ZNF341: variants seen among roughly 807,000 people sequenced by gnomAD.
ZNF341 encodes the protein zinc finger protein 341.
ZNF341 carries 52 observed loss-of-function variants against 87.7 expected under a neutral mutation model. The ratio of observed to expected loss-of-function variants is 0.59; its 90% CI spans 0.47 to 0.75. The LOEUF (loss-of-function observed/expected upper bound fraction) is 0.75. Among genes scored for constraint, ZNF341 ranks in the 30% least tolerant of loss-of-function variants. ZNF341 has a pLI of 0.00. For missense variants in ZNF341, 977 were observed against 1,145.9 expected (o/e 0.85, Z 2.13); for synonymous variants, 459 against 472.7 (o/e 0.97, Z 0.38).
At chr20:33,788,623 G>T in intron 12 of ZNF341, 1 of 523,392 alleles carries the variant, frequency 1.9e-6, no homozygotes, top group Non-Finnish European at 3.5e-6. Context: ...CCATCTCCCT[G>T]ATGACCTGAG....
chr20:33,732,129 C>T lies in ZNF341; in HGVS notation c.31+77C>T, dbSNP rs1176928441. 9.6e-6 allele frequency: 10 copies of T among 1,037,060 alleles called. No individual in the cohort carries two copies. The highest frequency in any genetic ancestry group is 5.6e-5 in the Admixed American group (1 of 17,750). The allele number at this position is 1,037,060 out of a possible 1,614,324, so 64.2% of individuals were successfully genotyped here. ...CCGCCGCGCCCTCGCAGCGCCCGGC[C>T]TAGGGCGCGCAGCGGCCGCGGGGCG... is the stretch of plus-strand genomic sequence containing the variant. On this transcript the variant is annotated intron_variant, in intron 1 of 14. Coordinates refer to ENST00000375200, the MANE Select transcript of ZNF341 (RefSeq NM_001282933.2). This position sits in a 1 kb window ranked among gnomAD's most constrained non-coding sequence, Gnocchi z 4.5.
intron 10 of ZNF341, among the ~76,000 whole-genome samples, chr20:33,771,575 A>G (rs1030250554): frequency 2.0e-5 from 3 of 151,892 alleles, no homozygotes; most frequent in Non-Finnish European, 4.4e-5. Flanking sequence ...TGAACAAGGG[A>G]TGGATCAGGT....
In ZNF341 at chr20:33,791,327, C is replaced by T. The variant is rs755802319; in HGVS notation, c.2375C>T (p.Pro792Leu). 21 of 1,611,728 alleles carry T rather than the reference C, an allele frequency of 1.3e-5. No homozygotes were observed. The East Asian group carries it at 2.7e-4, about 21-fold the overall frequency. ...GLVPEAVPGKPPFAEPDAVLS... is the reference protein window; with the variant it reads ...GLVPEAVPGKLPFAEPDAVLS... ...GTGCCCGAGGCTGTCCCCGGCAAGCCGCCCTTCGCAGAGCCGGACGCGGTG... is the reference window on the plus strand; with the variant it reads ...GTGCCCGAGGCTGTCCCCGGCAAGCTGCCCTTCGCAGAGCCGGACGCGGTG... The change falls in exon 15 of 15, where the codon CCG becomes CTG. Residue 792 changes from proline to leucine, a missense_variant. Pro to Leu is a moderately conservative substitution (Grantham distance 98). Transcript: ENST00000375200.
At position 33,757,505 on chromosome 20, in the gene ZNF341, G is replaced by A. The variant is rs956691829; in HGVS notation, c.937+162G>A. Among the ~76,000 whole-genome samples, 3 of 152,172 alleles carry A rather than the reference G, an allele frequency of 2.0e-5. No homozygotes were observed. The East Asian group carries it at 5.8e-4, about 29-fold the overall frequency. ...AATGATAGAATTTTGTTTCTCTCCT[G>A]TGTAAGTCAAGGCCAGAAGCCAGAC... On this transcript the variant is annotated intron_variant, in intron 6 of 14. Coordinates refer to ENST00000375200, the MANE Select transcript of ZNF341 (RefSeq NM_001282933.2).
intron 12 of ZNF341, 36 bp from the exon 13 acceptor site, chr20:33,788,827 G>GTGAGTGCTGGCTCTCCCTGTCTGT: frequency 6.3e-7 from 1 of 1,590,018 alleles, no homozygotes; most frequent in Non-Finnish European, 8.6e-7. Flanking sequence ...CCGACTCCTG[G>GTGAGTGCTGGCTCTCCCTGTCTGT]TGAGTGCTGG....
chr20:33,764,497 ATGTGTG>A (rs1209350704), intron 8 of ZNF341, among the ~76,000 whole-genome samples: 10 of 139,462 alleles, frequency 7.2e-5, no homozygotes, highest in Admixed American at 2.2e-4. Flanking sequence ...GTATATATAT[ATGTGTG>A]TGTATATATA....
chr20:33,733,640 T>C (rs2018624896), intron 1 of ZNF341, among the ~76,000 whole-genome samples: 1 of 152,200 alleles, frequency 6.6e-6, no homozygotes, highest in South Asian at 2.1e-4. Context: ...CCCAAAGTGC[T>C]GGGATTACAG....
At chr20:33,740,315 C>T (rs2018772583) in intron 1 of ZNF341, among the ~76,000 whole-genome samples, 1 of 152,160 alleles carries the variant, frequency 6.6e-6, no homozygotes, top group African/African-American at 2.4e-5. Context: ...AGAAAACTTT[C>T]CAGAAGCTGC....
intron 1 of ZNF341, among the ~76,000 whole-genome samples, chr20:33,737,325 T>A (rs1386892357): frequency 6.6e-6 from 1 of 152,048 alleles, no homozygotes; most frequent in African/African-American, 2.4e-5. Flanking sequence ...ATTTATTTTT[T>A]ATTTTTTATT....
intron 3 of ZNF341, among the ~76,000 whole-genome samples, chr20:33,746,895 A>G (rs2018937686): frequency 6.6e-6 from 1 of 152,024 alleles, no homozygotes; most frequent in African/African-American, 2.4e-5. Flanking sequence ...CTGTGAGGAG[A>G]AGGTTTTGGG....
In ZNF341 at chr20:33,737,866, G is replaced by A. The variant is rs149140730; in HGVS notation, c.32-3036G>A. ...TAATAATGATGTTGGGGCCAGGTGCGGTGGCTCACACCTGTAACCCCAGCA... is the reference window on the plus strand; with the variant it reads ...TAATAATGATGTTGGGGCCAGGTGCAGTGGCTCACACCTGTAACCCCAGCA... On this transcript the variant is annotated intron_variant, in intron 1 of 14. Coordinates refer to ENST00000375200, the MANE Select transcript of ZNF341 (RefSeq NM_001282933.2). Among the ~76,000 whole-genome samples, 1,047 of 152,140 alleles carry A rather than the reference G, an allele frequency of 6.9e-3. 8 individuals are homozygous for A. Among genetic ancestry groups the A allele is most frequent in the Non-Finnish European group, 0.011 (771 of 67,972 alleles).
rs368551096 is a variant in ZNF341 at position 33,791,329 on chromosome 20, C to T, written c.2377C>T (p.Pro793Ser). ...LVPEAVPGKP[P>S]FAEPDAVLSI... Reference sequence around the variant, plus strand: ...GCCCGAGGCTGTCCCCGGCAAGCCGCCCTTCGCAGAGCCGGACGCGGTGCT... The same window carrying T: ...GCCCGAGGCTGTCCCCGGCAAGCCGTCCTTCGCAGAGCCGGACGCGGTGCT... Residue 793 changes from proline (P) to serine (S), a missense_variant, in exon 15 of 15, where the codon CCC becomes TCC. This residue lies in a region of ZNF341 where 221 missense variants were observed against 212.7 expected (regional missense o/e 1.04). Coordinates refer to ENST00000375200, the MANE Select transcript of ZNF341 (RefSeq NM_001282933.2). The T allele has an allele frequency of 7.2e-5, 116 of 1,611,840 alleles. No homozygotes were observed. In the East Asian group the frequency reaches 2.5e-3, roughly 34 times the overall value.
intron 10 of ZNF341, among the ~76,000 whole-genome samples, chr20:33,779,975 C>T (rs2207355): frequency 0.46 from 69,400 of 151,978 alleles, 18,088 homozygotes; most frequent in African/African-American, 0.72. Flanking sequence ...AGGAGACAGA[C>T]AATAACCAAG....
intron 9 of ZNF341, among the ~76,000 whole-genome samples, chr20:33,768,135 T>TC (rs397804404): frequency 1.3e-5 from 2 of 151,442 alleles, no homozygotes; most frequent in African/African-American, 2.4e-5. Context: ...TGTTTTTTTT[T>TC]TCCCCCCGAG....
At chr20:33,739,455 C>A (rs1371970416) in intron 1 of ZNF341, among the ~76,000 whole-genome samples, 1 of 152,188 alleles carries the variant, frequency 6.6e-6, no homozygotes, top group African/African-American at 2.4e-5. Context: ...GGCCTGTCAT[C>A]CGGCTAGTGA....
intron 12 of ZNF341, among the ~76,000 whole-genome samples, chr20:33,785,788 A>G (rs2019842561): frequency 1.3e-5 from 2 of 152,190 alleles, no homozygotes; most frequent in African/African-American, 4.8e-5. Flanking sequence ...ACGCTTGCTT[A>G]CGTTTGCAAA....
chr20:33,736,271 T>G (rs945071319), intron 1 of ZNF341, among the ~76,000 whole-genome samples: 4 of 151,732 alleles, frequency 2.6e-5, no homozygotes, highest in African/African-American at 9.7e-5. Context: ...AAACTGCCTC[T>G]GCAAAAATTG....
Position 33,791,933 on chromosome 20 carries a change from G to A in ZNF341, c.*416G>A, listed in dbSNP as rs539743528. On this transcript the variant is annotated 3_prime_UTR_variant, in exon 15 of 15. Coordinates refer to ENST00000375200, the MANE Select transcript of ZNF341 (RefSeq NM_001282933.2). ...TCAGGAGGCCTGCCATAAACTCTTC[G>A]GAGTTTACGTGTTGCACCTTTTCAC... The A allele has an allele frequency of 6.7e-5, 12 of 179,304 alleles. No homozygotes were observed. Among genetic ancestry groups the A allele is most frequent in the East Asian group, 4.4e-4 (3 of 6,814 alleles). The allele number at this position is 179,304 out of a possible 1,614,324, so 11.1% of individuals were successfully genotyped here. A position where few individuals can be genotyped will look rare whatever the true frequency, so the allele number is the denominator to read the frequency against.
intron 10 of ZNF341, among the ~76,000 whole-genome samples, chr20:33,772,354 T>G (rs566198747): frequency 6.6e-6 from 1 of 152,288 alleles, no homozygotes; most frequent in East Asian, 1.9e-4. Context: ...TGGTTTTTGC[T>G]TCTCTGTACA....
Sources: gnomAD v4.1 joint callset for allele counts (sites outside exome capture counted in the v4.1 genomes callset) on GRCh38, gnomAD v4.1.1 for gene constraint, gnomAD v4.1.1 regional missense constraint, Gnocchi (gnomAD v3.1) non-coding constraint, MANE v1.5 for transcripts, NCBI Gene and HGNC (gene_info 2026-07-23, HGNC 2026-07-21) for gene names.